Variants in TNXB observed in about 807,000 individuals in gnomAD.
TNXB encodes the protein tenascin XB.
A neutral mutation model predicts 340.5 loss-of-function variants in TNXB; 183 were observed. The observed-to-expected ratio is 0.54, with a 90% CI of 0.48 to 0.61. The LOEUF (loss-of-function observed/expected upper bound fraction) is 0.61. Ranked by LOEUF, TNXB falls within the 20% of genes least tolerant of loss-of-function variation. The pLI, the probability that TNXB is intolerant of heterozygous loss-of-function variation, is 0.00. For synonymous variants in TNXB, 2,121 were observed against 2,314.5 expected (o/e 0.92, Z 2.40); for missense variants, 4,613 against 5,446.4 (o/e 0.85, Z 4.82).
rs1387545855 is a variant in TNXB at position 32,041,462 on chromosome 6, G to A, written c.12634-12C>T. On this transcript the variant is annotated splice_polypyrimidine_tract_variant and intron_variant, in intron 43 of 43. Transcript: ENST00000644971. ...TACCAGCTCACTCCCTGGGAAAGGG[G>A]TTGTCAAGAGAGAGTCAAAGCCGGA... 2.0e-6 allele frequency: 2 copies of A among 1,009,136 alleles called. 1 individual carries two copies. The highest frequency in any genetic ancestry group is 4.0e-5 in the Admixed American group (2 of 49,982). 62.5% of individuals were successfully genotyped at this position (1,009,136 alleles called of 1,614,324 possible). A position where few individuals can be genotyped will look rare whatever the true frequency, so the allele number is the denominator to read the frequency against.
At chr6:32,098,399 AT>A (rs1780536238) in intron 1 of TNXB, among the ~76,000 whole-genome samples, 193 bp from the exon 2 acceptor site, 1 of 151,996 alleles carries the variant, frequency 6.6e-6, no homozygotes, top group Non-Finnish European at 1.5e-5. Context: ...CCTCTCTGAT[AT>A]CATTTATTTA....
chr6:32,043,622 C>A, intron 35 of TNXB, 66 bp from the exon 36 acceptor site: 1 of 1,386,088 alleles, frequency 7.2e-7, no homozygotes, highest in South Asian at 1.2e-5. Context: ...TCCCCAGACT[C>A]CACTGGCCTC....
At position 32,073,016 on chromosome 6, in the gene TNXB, C is replaced by G. The variant is rs1166898593; in HGVS notation, c.4681+631G>C. ...ATAATGTTTCCTTTGTAATCCTATA[C>G]AGCTTATTTTACAGATTTAAAAACA... On this transcript the variant is annotated intron_variant, in intron 12 of 43. Coordinates refer to ENST00000644971, the MANE Select transcript of TNXB (RefSeq NM_001365276.2). This position sits in a 1 kb window ranked among gnomAD's most constrained non-coding sequence, Gnocchi z 4.6. 2.6e-5 allele frequency among the ~76,000 whole-genome samples: 4 copies of G among 152,172 alleles called. No individual in the cohort carries two copies. In the East Asian group the frequency reaches 5.8e-4, roughly 22 times the overall value.
In TNXB at chr6:32,096,440, A is replaced by G; in HGVS notation, c.1413T>C (p.Arg471=). The G allele has an allele frequency of 6.3e-7, 1 of 1,593,840 alleles. No homozygotes were observed. Among genetic ancestry groups the G allele is most frequent in the South Asian group, 1.1e-5 (1 of 90,304 alleles). The part of the protein sequence containing the change: ...CGVRSCPGDC[R]GRGRCESGRC... The stretch of plus-strand genomic sequence containing the variant: ...GGCCACTCTCACAGCGGCCCCGGCC[A>G]CGACAGTCCCCAGGACAGCTGCGCA... The change falls in exon 3 of 44, where the codon CGT becomes CGC. Residue 471 remains arginine, a synonymous_variant. Transcript: ENST00000644971.
chr6:32,099,946 T>TAAAAAA (rs34833929), intron 1 of TNXB, among the ~76,000 whole-genome samples: 20 of 62,798 alleles, frequency 3.2e-4, no homozygotes, highest in African/African-American at 7.5e-4. Context: ...CATCCCTAAG[T>TAAAAAA]AAAAAAAAAA....
chr6:32,097,339 C>A lies in TNXB; in HGVS notation c.514G>T (p.Asp172Tyr), dbSNP rs757119520. The change falls in exon 3 of 44, where the codon GAT becomes TAT. Residue 172 changes from aspartate to tyrosine, a missense_variant. This residue lies in a region of TNXB where 4,327 missense variants were observed against 4,859.4 expected (regional missense o/e 0.89). Transcript: ENST00000644971. The surrounding 1 kb of genome is among the most constrained non-coding windows in gnomAD (Gnocchi z 5.9). Reference sequence around the variant, plus strand: ...GGGGAAGAGGGAGGGATCTCAGCATCTGTGGGGTCTGAGCAGGTGGGCCCA... The same window carrying A: ...GGGGAAGAGGGAGGGATCTCAGCATATGTGGGGTCTGAGCAGGTGGGCCCA... ...WGGPTCSDPT[D>Y]AEIPPSSPPS... The A allele has an allele frequency of 1.2e-6, 2 of 1,613,284 alleles. No homozygotes were observed. Among genetic ancestry groups the A allele is most frequent in the Non-Finnish European group, 1.7e-6 (2 of 1,179,890 alleles).
intron 22 of TNXB, among the ~76,000 whole-genome samples, chr6:32,057,587 C>A (rs1777743105): frequency 6.6e-6 from 1 of 152,194 alleles, no homozygotes; most frequent in African/African-American, 2.4e-5. Flanking sequence ...AGACCCCAGG[C>A]CTGGTGAGTG....
rs1351833467 is a variant in TNXB, at chr6:32,080,631, A to G, written c.4042+737T>C. On this transcript the variant is annotated intron_variant, in intron 10 of 43. Transcript: ENST00000644971. The surrounding 1 kb of genome is among the most constrained non-coding windows in gnomAD (Gnocchi z 4.3). Reference sequence around the variant, plus strand: ...ACAGAGAGGTTAAGCAATTTGCACAAGGTCCTACAGGAAGTAAGTTGCAAG... The same window carrying G: ...ACAGAGAGGTTAAGCAATTTGCACAGGGTCCTACAGGAAGTAAGTTGCAAG... 6.6e-6 allele frequency among the ~76,000 whole-genome samples: 1 copy of G among 152,238 alleles called. No individual in the cohort carries two copies. Among genetic ancestry groups the G allele is most frequent in the African/African-American group, 2.4e-5 (1 of 41,460 alleles).
In TNXB at chr6:32,068,602, A is replaced by T; in HGVS notation, c.6008T>A (p.Leu2003His). The T allele has an allele frequency of 6.2e-7, 1 of 1,613,786 alleles. No individual in the cohort carries two copies. Among genetic ancestry groups the T allele is most frequent in the South Asian group, 1.1e-5 (1 of 91,066 alleles). ...CTCGGGAACTGTCCAGGACAGGCTG[A>T]GGGAGTCAGGGGTGGCATCTGTCAC... Reference protein sequence around the residue: ...LTVTDATPDSLSLSWTVPEGQ... With the variant: ...LTVTDATPDSHSLSWTVPEGQ... The change falls in exon 17 of 44, where the codon CTC becomes CAC. Residue 2003 changes from leucine (L) to histidine (H), a missense_variant. Coordinates refer to ENST00000644971, the MANE Select transcript of TNXB (RefSeq NM_001365276.2). This position sits in a 1 kb window ranked among gnomAD's most constrained non-coding sequence, Gnocchi z 5.3.
Position 32,058,148 on chromosome 6 carries a change from C to T in TNXB, c.7735G>A (p.Gly2579Ser). 1 of 1,612,710 alleles carries T rather than the reference C, an allele frequency of 6.2e-7. No homozygotes were observed. The highest frequency in any genetic ancestry group is 1.1e-5 in the South Asian group (1 of 91,050). Residue 2579 changes from glycine to serine, a missense_variant, in exon 22 of 44, where the codon GGC (glycine) becomes AGC (serine). Transcript: ENST00000644971. This position sits in a 1 kb window ranked among gnomAD's most constrained non-coding sequence, Gnocchi z 5.1. ...TTGTACTTGCGCCCAGGCTCCAGGC[C>T]CCTCACAGTGACCTTGCTCTCCTGG... is the stretch of plus-strand genomic sequence containing the variant. ...GGQESKVTVR[G>S]LEPGRKYKMH...
At position 32,069,133 on chromosome 6, in the gene TNXB, C is replaced by G. The variant is rs2151915515; in HGVS notation, c.5591G>C (p.Gly1864Ala). Residue 1864 changes from glycine to alanine, a missense_variant, in exon 16 of 44, where the codon GGC becomes GCC. Around this residue, in one of 7 missense-constraint regions of TNXB, gnomAD observed 4,327 missense variants for 4,859.4 expected, o/e 0.89. Transcript: ENST00000644971. The surrounding 1 kb of genome is among the most constrained non-coding windows in gnomAD (Gnocchi z 6.2). ...GGTCTCAGTTTCCGTTTCTTCCCTGCCGGCTGGTTCACAGAGACAGGTAGA... is the reference window on the plus strand; with the variant it reads ...GGTCTCAGTTTCCGTTTCTTCCCTGGCGGCTGGTTCACAGAGACAGGTAGA... The part of the protein sequence containing the change: ...GPISAVAITA[G>A]REETETETTA... 1 of 1,604,632 alleles carries G rather than the reference C, an allele frequency of 6.2e-7. No homozygotes were observed. Among genetic ancestry groups the G allele is most frequent in the East Asian group, 2.2e-5 (1 of 44,848 alleles).
chr6:32,089,496 T>A lies in TNXB; in HGVS notation c.2359-117A>T. ...GTGTCAGCATGGTACTGTGTGGAAC[T>A]TGACCCTGTACAAGCTGGGGAGCAA... On this transcript the variant is annotated intron_variant, in intron 4 of 43. Transcript: ENST00000644971. The surrounding 1 kb of genome is among the most constrained non-coding windows in gnomAD (Gnocchi z 6.2). 2 of 1,342,640 alleles carry A rather than the reference T, an allele frequency of 1.5e-6. No homozygotes were observed. Among genetic ancestry groups the A allele is most frequent in the Non-Finnish European group, 2.0e-6 (2 of 1,006,626 alleles). The allele number at this position is 1,342,640 out of a possible 1,614,324, so 83.2% of individuals were successfully genotyped here.
Position 32,097,507 on chromosome 6 carries a change from T to C in TNXB, c.404-58A>G. On this transcript the variant is annotated intron_variant, in intron 2 of 43. Transcript: ENST00000644971. The surrounding 1 kb of genome is among the most constrained non-coding windows in gnomAD (Gnocchi z 5.9). ...TCTCTCCTGGGAGAGAGGCTGAGCC[T>C]ATGTAGTGCTCCTATGTGCAGGCCC... is the stretch of plus-strand genomic sequence containing the variant. 1 of 1,541,920 alleles carries C rather than the reference T, an allele frequency of 6.5e-7. No homozygotes were observed. The highest frequency in any genetic ancestry group is 8.7e-7 in the Non-Finnish European group (1 of 1,146,626).
chr6:32,073,844 G>T lies in TNXB; in HGVS notation c.4484C>A (p.Thr1495Lys), dbSNP rs6910390. 6.2e-7 allele frequency: 1 copy of T among 1,611,810 alleles called. No individual in the cohort carries two copies. The highest frequency in any genetic ancestry group is 1.3e-5 in the African/African-American group (1 of 74,864). The change falls in exon 12 of 44, where the codon ACA (threonine) becomes AAA (lysine). Residue 1495 changes from threonine to lysine, a missense_variant. Transcript: ENST00000644971. The surrounding 1 kb of genome is among the most constrained non-coding windows in gnomAD (Gnocchi z 4.6). Reference protein sequence around the residue: ...VTPNSVGLSWTVPEGQFDSFI... With the variant: ...VTPNSVGLSWKVPEGQFDSFI... ...GGAGTCAAACTGGCCCTCGGGGACT[G>T]TCCAGGAGAGGCCCACAGAGTTGGG... is the stretch of plus-strand genomic sequence containing the variant.
rs1348750252 is a variant in TNXB, at chr6:32,077,097, T to TG, written c.4375+1935dup. On this transcript the variant is annotated intron_variant, in intron 11 of 43. Transcript: ENST00000644971. ...TCCATTTATCTCTACTGCACCGACT[T>TG]GGTCAGTGCCTGACAGAGCCCATCC... Among the ~76,000 whole-genome samples, 3 of 152,358 alleles carry TG rather than the reference T, an allele frequency of 2.0e-5. No individual in the cohort carries two copies. The East Asian group carries it at 5.8e-4, about 29-fold the overall frequency.
Position 32,097,439 on chromosome 6 carries a change from ATC to A in TNXB, c.412_413del (p.Asp138CysfsTer12). 6.3e-7 allele frequency: 1 copy of A among 1,595,152 alleles called. No individual in the cohort carries two copies. Among genetic ancestry groups the A allele is most frequent in the Non-Finnish European group, 8.5e-7 (1 of 1,172,846 alleles). ...ASAQAGTGQT[D>X]VRTLCSLHGV... is the part of the protein sequence containing the mutation. Reference sequence around the variant, plus strand: ...CATGGAGACTGCAGAGGGTCCGCACATCTGTCTGACCTGGAGTAGGAGGGGAG... The same window carrying A: ...CATGGAGACTGCAGAGGGTCCGCACATGTCTGACCTGGAGTAGGAGGGGAG... On this transcript the variant is annotated frameshift_variant, in exon 3 of 44. Transcript: ENST00000644971. LOFTEE classifies it high-confidence loss of function. This position sits in a 1 kb window ranked among gnomAD's most constrained non-coding sequence, Gnocchi z 5.9.
At position 32,095,138 on chromosome 6, in the gene TNXB, G is replaced by A. The variant is rs1232589427; in HGVS notation, c.2296C>T (p.Arg766Trp). 54 of 1,549,880 alleles carry A rather than the reference G, an allele frequency of 3.5e-5. No homozygotes were observed. The highest frequency in any genetic ancestry group is 1.7e-4 in the Middle Eastern group (1 of 6,012). ...RMHLLEETTVRTEWTPAPGPV... is the reference protein window; with the variant it reads ...RMHLLEETTVWTEWTPAPGPV... ...CCAGGAGCCGGGGTCCACTCTGTCC[G>A]AACTGTTGTCTCCTCCAAGAGATGC... Residue 766 changes from arginine to tryptophan, a missense_variant, in exon 4 of 44, where the codon CGG becomes TGG. Arg to Trp is a moderately radical substitution (Grantham distance 101). Around this residue, in one of 7 missense-constraint regions of TNXB, gnomAD observed 4,327 missense variants for 4,859.4 expected, o/e 0.89. Transcript: ENST00000644971.
rs915406674 is a variant in TNXB, at chr6:32,096,256, G to A, written c.1597C>T (p.Arg533Cys). 3 of 1,565,064 alleles carry A rather than the reference G, an allele frequency of 1.9e-6. No individual in the cohort carries two copies. The highest frequency in any genetic ancestry group is 2.6e-6 in the Non-Finnish European group (3 of 1,159,276). Residue 533 changes from arginine (R) to cysteine (C), a missense_variant, in exon 3 of 44, where the codon CGT becomes TGT. Transcript: ENST00000644971. ...CGSRRCPGDC[R>C]GHGLCEDGVC... is the part of the protein sequence containing the mutation. ...CCATCCTCGCAAAGGCCGTGCCCAC[G>A]GCAGTCCCCGGGACAGCGACGGCTC...
At chr6:32,101,511 G>A (rs1211213041) in intron 1 of TNXB, among the ~76,000 whole-genome samples, 2 of 151,576 alleles carry the variant, frequency 1.3e-5, no homozygotes, top group South Asian at 4.2e-4. Flanking sequence ...GGATGGTCTC[G>A]ATCTCCTGAC....
Sources: gnomAD v4.1 joint callset for allele counts (sites outside exome capture counted in the v4.1 genomes callset) on GRCh38, gnomAD v4.1.1 for gene constraint, gnomAD v4.1.1 regional missense constraint, Gnocchi (gnomAD v3.1) non-coding constraint, MANE v1.5 for transcripts, NCBI Gene and HGNC (gene_info 2026-07-23, HGNC 2026-07-21) for gene names.